The following IL1RAPL2 variants were observed in gnomAD, a reference collection of about 807,000 sequenced individuals.
IL1RAPL2 encodes X-linked interleukin-1 receptor accessory protein-like 2.
A neutral mutation model predicts 44.1 loss-of-function variants in IL1RAPL2; 3 were observed. The ratio of observed to expected loss-of-function variants is 0.07; its 90% CI spans 0.03 to 0.18. IL1RAPL2 has a LOEUF of 0.18. Ranked by LOEUF, IL1RAPL2 falls within the 10% of genes least tolerant of loss-of-function variation. The probability of loss-of-function intolerance (pLI) is 1.00; values close to 1 mark genes in which losing one functional copy is unlikely to be tolerated. For synonymous variants in IL1RAPL2, 181 were observed against 178.8 expected (o/e 1.01, Z -0.10); for missense variants, 391 against 496.4 (o/e 0.79, Z 2.02).
chrX:104,822,812 A>G (rs1921339078), intron 2 of IL1RAPL2, among the ~76,000 whole-genome samples: 2 of 111,153 alleles, frequency 1.8e-5, no homozygotes, highest in African/African-American at 6.5e-5. Context: ...TGTTAGCTTG[A>G]TGGGGATAGC....
chrX:104,764,426 T>C (rs1439896441), intron 2 of IL1RAPL2, among the ~76,000 whole-genome samples: 3 of 112,381 alleles, frequency 2.7e-5, no homozygotes, highest in Non-Finnish European at 5.6e-5. Context: ...TTTTACTTAA[T>C]TTGTTTATAA....
intron 2 of IL1RAPL2, among the ~76,000 whole-genome samples, chrX:104,964,898 C>T (rs746486902): frequency 2.6e-4 from 29 of 110,647 alleles, no homozygotes; most frequent in Non-Finnish European, 4.7e-4. Flanking sequence ...ACCTTGACTT[C>T]CTAGGCTCAA....
chrX:105,419,330 AT>A, intron 5 of IL1RAPL2, among the ~76,000 whole-genome samples: 1 of 111,722 alleles, frequency 9.0e-6, no homozygotes, highest in Non-Finnish European at 1.9e-5. Context: ...TATTTTCCTG[AT>A]TTTCTAGGAA....
intron 5 of IL1RAPL2, among the ~76,000 whole-genome samples, chrX:105,376,052 A>G (rs1198071575): frequency 8.9e-6 from 1 of 111,939 alleles, no homozygotes; most frequent in East Asian, 2.8e-4. Flanking sequence ...CTAGCTTTCT[A>G]GGAAGACTTG....
intron 2 of IL1RAPL2, among the ~76,000 whole-genome samples, chrX:104,909,701 T>G (rs918887421): frequency 1.6e-4 from 18 of 112,150 alleles, no homozygotes; most frequent in Non-Finnish European, 3.0e-4. Flanking sequence ...AGTCTGCCCC[T>G]TCTCAGATCT....
intron 2 of IL1RAPL2, among the ~76,000 whole-genome samples, chrX:104,831,271 CT>C (rs1340036458): frequency 9.0e-6 from 1 of 111,022 alleles, no homozygotes; most frequent in African/African-American, 3.3e-5. Context: ...AAATATGGGA[CT>C]ATTTAAATCA....
chrX:104,908,274 C>G (rs1924101237), intron 2 of IL1RAPL2, among the ~76,000 whole-genome samples: 2 of 111,822 alleles, frequency 1.8e-5, no homozygotes, highest in South Asian at 7.5e-4. Context: ...CAGTCCGTGT[C>G]TTTTAATTGG....
chrX:105,358,441 C>T (rs1041095829), intron 5 of IL1RAPL2, among the ~76,000 whole-genome samples: 2 of 107,814 alleles, frequency 1.9e-5, no homozygotes, highest in African/African-American at 6.8e-5. Flanking sequence ...TCTGGAAGGC[C>T]GAGGCAGGCA....
chrX:105,378,700 G>A (rs893805395), intron 5 of IL1RAPL2, among the ~76,000 whole-genome samples: 13 of 111,649 alleles, frequency 1.2e-4, no homozygotes, highest in Non-Finnish European at 1.9e-4. Flanking sequence ...ATTTAGTGAC[G>A]TACACTTTTC....
chrX:105,349,328 C>T (rs1416794953), intron 5 of IL1RAPL2, among the ~76,000 whole-genome samples: 2 of 112,204 alleles, frequency 1.8e-5, no homozygotes, highest in Non-Finnish European at 3.8e-5. Context: ...CCAGCATCTT[C>T]TAGGTCCACA....
At chrX:105,132,402 A>G (rs1355629207) in intron 2 of IL1RAPL2, among the ~76,000 whole-genome samples, 3 of 111,190 alleles carry the variant, frequency 2.7e-5, no homozygotes, top group Admixed American at 1.9e-4. Flanking sequence ...TAATTTCGCC[A>G]TTTAAAAGGA....
intron 5 of IL1RAPL2, among the ~76,000 whole-genome samples, chrX:105,273,560 T>A (rs961786510): frequency 2.7e-5 from 3 of 112,197 alleles, no homozygotes; most frequent in Non-Finnish European, 5.6e-5. Context: ...CTGGAAGGAA[T>A]GTGTGCTCAG....
At chrX:105,255,655 T>G (rs1405947093) in intron 4 of IL1RAPL2, among the ~76,000 whole-genome samples, 1 of 111,803 alleles carries the variant, frequency 8.9e-6, no homozygotes, top group Non-Finnish European at 1.9e-5. Context: ...TTCTTTATCT[T>G]GCCTGATTGC....
intron 5 of IL1RAPL2, among the ~76,000 whole-genome samples, chrX:105,429,281 G>A (rs1191746527): frequency 9.0e-6 from 1 of 111,665 alleles, no homozygotes; most frequent in Non-Finnish European, 1.9e-5. Context: ...ATGTTCAAGG[G>A]ATGAAAAATA....
rs200922387 is a variant in IL1RAPL2 at position 105,747,531 on chromosome X, TATATAC to T, written c.1049-1427_1049-1422del. ...GTGTGTGTGTGTATATATATATATA[TATATAC>T]ACACACACACACACATATATACACA... On this transcript the variant is annotated intron_variant, in intron 8 of 10. Transcript: ENST00000372582. Among the ~76,000 whole-genome samples, 116 of 85,768 alleles carry T rather than the reference TATATAC, an allele frequency of 1.4e-3. 1 individual carries two copies. The East Asian group carries it at 0.016, about 12-fold the overall frequency. 74.5% of individuals were successfully genotyped at this position (85,768 alleles called of 115,157 possible). A position where few individuals can be genotyped will look rare whatever the true frequency, so the allele number is the denominator to read the frequency against.
At chrX:105,606,006 A>G (rs1231687097) in intron 6 of IL1RAPL2, among the ~76,000 whole-genome samples, 5 of 111,844 alleles carry the variant, frequency 4.5e-5, no homozygotes, top group South Asian at 3.7e-4. Flanking sequence ...AGAAAAATGC[A>G]TAGAGGAAAT....
intron 2 of IL1RAPL2, among the ~76,000 whole-genome samples, chrX:104,799,265 C>G (rs1322244221): frequency 2.7e-5 from 3 of 111,637 alleles, no homozygotes; most frequent in Non-Finnish European, 3.8e-5. Context: ...TAGCCTTCCT[C>G]CAACCAGAAT....
intron 6 of IL1RAPL2, among the ~76,000 whole-genome samples, chrX:105,631,551 C>A (rs1004389630): frequency 8.0e-5 from 9 of 112,087 alleles, no homozygotes; most frequent in Non-Finnish European, 7.5e-5. Context: ...AACAAACAAA[C>A]CCAGACTTTG....
At chrX:104,677,354 C>A (rs940946533) in intron 2 of IL1RAPL2, among the ~76,000 whole-genome samples, 2 of 109,533 alleles carry the variant, frequency 1.8e-5, no homozygotes, top group Non-Finnish European at 3.8e-5. Flanking sequence ...GAATACCCTG[C>A]CGTGTGAGGT....
Sources: allele counts gnomAD v4.1 joint callset (sites outside exome capture counted in the v4.1 genomes callset), GRCh38; gene constraint gnomAD v4.1.1; transcripts MANE v1.5; gene names NCBI Gene and HGNC (gene_info 2026-07-23, HGNC 2026-07-21).